SLC7A4: variants seen among roughly 807,000 people sequenced by gnomAD.
SLC7A4 encodes the protein solute carrier family 7 member 4, also known as cationic amino acid transporter 4.
Under a neutral mutation model 37.8 loss-of-function variants are expected in SLC7A4, and 30 were observed. The observed-to-expected ratio is 0.79, with a 90% CI of 0.59 to 1.08. The LOEUF (loss-of-function observed/expected upper bound fraction) is 1.08. SLC7A4 is among the 50% of genes least tolerant of loss of function. SLC7A4 has a pLI of 0.00. For missense variants in SLC7A4, 839 were observed against 843.2 expected, an observed-to-expected ratio of 1.00 and a Z score of 0.06; for synonymous variants, 359 against 376.5, an observed-to-expected ratio of 0.95 and a Z score of 0.54.
Position 21,031,434 on chromosome 22 carries a change from T to G in SLC7A4, c.379A>C (p.Ile127Leu). The change falls in exon 2 of 5, where the codon ATC becomes CTC. Residue 127 changes from isoleucine to leucine, a missense_variant. Physicochemically the swap from Ile to Leu is conservative, Grantham distance 5. Coordinates refer to ENST00000382932, the MANE Select transcript of SLC7A4 (RefSeq NM_004173.3). Reference sequence around the variant, plus strand: ...CGGGCCACGGCGGCGCCACCGATGATGTATTCGAGGAGAACATTCCAGCCG... The same window carrying G: ...CGGGCCACGGCGGCGCCACCGATGAGGTATTCGAGGAGAACATTCCAGCCG... Reference protein sequence around the residue: ...LIGWNVLLEYIIGGAAVARAW... With the variant: ...LIGWNVLLEYLIGGAAVARAW... 1.2e-6 allele frequency: 2 copies of G among 1,601,206 alleles called. No homozygotes were observed. The highest frequency in any genetic ancestry group is 1.7e-6 in the Non-Finnish European group (2 of 1,174,044).
Position 21,029,751 on chromosome 22 carries a change from A to G in SLC7A4, c.1583T>C (p.Leu528Pro), listed in dbSNP as rs750453087. ...SVMFLLSLLV[L>P]GAHQQQYRED... ...CCGATACTGTTGCTGGTGAGCCCCC[A>G]GGACAAGGAGGCTGAGCAGAAACAT... The change falls in exon 3 of 5, where the codon CTG becomes CCG. Residue 528 changes from leucine to proline, a missense_variant. Leu to Pro is a moderately conservative substitution (Grantham distance 98). Coordinates refer to ENST00000382932, the MANE Select transcript of SLC7A4 (RefSeq NM_004173.3). The G allele has an allele frequency of 1.9e-6, 3 of 1,613,006 alleles. No homozygotes were observed. Among genetic ancestry groups the G allele is most frequent in the African/African-American group, 2.7e-5 (2 of 74,916 alleles).
In SLC7A4 at chr22:21,030,885, A is replaced by G. The variant is rs774034868; in HGVS notation, c.928T>C (p.Tyr310His). 6.2e-7 allele frequency: 1 copy of G among 1,612,678 alleles called. No homozygotes were observed. The highest frequency in any genetic ancestry group is 1.1e-5 in the South Asian group (1 of 90,870). Reference sequence around the variant, plus strand: ...CCAGCCCACCTGTAGCCCCGCTGGTAGAAGGCATCTGCAAGCGCTGAGTCG... The same window carrying G: ...CCAGCCCACCTGTAGCCCCGCTGGTGGAAGGCATCTGCAAGCGCTGAGTCG... ...DPDSALADAF[Y>H]QRGYRWAGFI... The change falls in exon 2 of 5, where the codon TAC becomes CAC. Residue 310 changes from tyrosine (Y) to histidine (H), a missense_variant. Transcript: ENST00000382932.
Position 21,031,805 on chromosome 22 carries a change from C to T in SLC7A4, c.8G>A (p.Arg3Gln), listed in dbSNP as rs190796522. 3.1e-5 allele frequency: 47 copies of T among 1,493,166 alleles called. No individual in the cohort carries two copies. The highest frequency in any genetic ancestry group is 4.0e-5 in the Non-Finnish European group (45 of 1,126,104). 92.5% of individuals were successfully genotyped at this position (1,493,166 alleles called of 1,614,324 possible). A position where few individuals can be genotyped will look rare whatever the true frequency, so the allele number is the denominator to read the frequency against. The change falls in exon 2 of 5, where the codon CGG becomes CAG. Residue 3 changes from arginine (R) to glutamine (Q), a missense_variant. Physicochemically the swap from Arg to Gln is conservative, Grantham distance 43. Coordinates refer to ENST00000382932, the MANE Select transcript of SLC7A4 (RefSeq NM_004173.3). Reference protein sequence around the residue: MARGLPTIASLAR... With the variant: MAQGLPTIASLAR... ...CAGGCTAGCAATGGTGGGCAGCCCCCGGGCCATGGCAGGTGGCCGAGAAGA... is the reference window on the plus strand; with the variant it reads ...CAGGCTAGCAATGGTGGGCAGCCCCTGGGCCATGGCAGGTGGCCGAGAAGA...
intron 3 of SLC7A4, 90 bp downstream of exon 3, chr22:21,029,621 C>A: frequency 1.4e-6 from 2 of 1,415,382 alleles, no homozygotes; most frequent in East Asian, 2.3e-5. Flanking sequence ...TCCCCAGCCC[C>A]GTGAGACTTG....
At chr22:21,029,634 C>A in intron 3 of SLC7A4, 77 bp downstream of exon 3, 5 of 1,483,082 alleles carry the variant, frequency 3.4e-6, no homozygotes, top group Non-Finnish European at 3.7e-6. Flanking sequence ...GAGACTTGTT[C>A]ATTCTGGGAT....
At position 21,030,137 on chromosome 22, in the gene SLC7A4, G is replaced by C; in HGVS notation, c.1197C>G (p.Leu399=). Residue 399 remains leucine, a synonymous_variant, in exon 3 of 5, where the codon CTC becomes CTG. Coordinates refer to ENST00000382932, the MANE Select transcript of SLC7A4 (RefSeq NM_004173.3). ...SLVQFLSLGT[L]LAYTFVATSI... ...TGGTGGCCACGAATGTGTAGGCCAG[G>C]AGTGTGCCAAGGGACAGGAACTGAA... is the stretch of plus-strand genomic sequence containing the variant. The C allele has an allele frequency of 6.2e-7, 1 of 1,613,936 alleles. No homozygotes were observed. The highest frequency in any genetic ancestry group is 8.5e-7 in the Non-Finnish European group (1 of 1,179,964).
rs559055973 is a variant in SLC7A4, at chr22:21,029,987, G to A, written c.1347C>T (p.His449=). 2.9e-5 allele frequency: 47 copies of A among 1,613,848 alleles called. No homozygotes were observed. In the Middle Eastern group the frequency reaches 5.0e-4, roughly 17 times the overall value. Residue 449 remains histidine (H), a synonymous_variant, in exon 3 of 5, where the codon CAC becomes CAT. Transcript: ENST00000382932. ...GCTCCCCTGGCTCAGGGACGGAGGCGTGTACAGTGCCCACCAGCTGTAGGT... is the reference window on the plus strand; with the variant it reads ...GCTCCCCTGGCTCAGGGACGGAGGCATGTACAGTGCCCACCAGCTGTAGGT... ...SDHLQLVGTV[H]ASVPEPGELK... is the part of the protein sequence containing the mutation.
At position 21,031,886 on chromosome 22, in the gene SLC7A4, A is replaced by G. The variant is rs1485628181; in HGVS notation, c.-40-34T>C. The G allele has an allele frequency of 5.7e-6, 8 of 1,399,646 alleles. No individual in the cohort carries two copies. The East Asian group carries it at 1.0e-4, about 18-fold the overall frequency. The allele number at this position is 1,399,646 out of a possible 1,614,324, so 86.7% of individuals were successfully genotyped here. On this transcript the variant is annotated intron_variant, in intron 1 of 4. Coordinates refer to ENST00000382932, the MANE Select transcript of SLC7A4 (RefSeq NM_004173.3). ...GCCAGAGGGGAATGACAGGATGCGT[A>G]GCCGGGGCCTGACCAGCCTTCCATC...
At position 21,031,501 on chromosome 22, in the gene SLC7A4, C is replaced by T. The variant is rs1168893035; in HGVS notation, c.312G>A (p.Leu104=). 1 of 1,610,124 alleles carries T rather than the reference C, an allele frequency of 6.2e-7. No homozygotes were observed. The highest frequency in any genetic ancestry group is 8.5e-7 in the Non-Finnish European group (1 of 1,178,472). Residue 104 remains leucine (L), a synonymous_variant, in exon 2 of 5, where the codon CTG becomes CTA. Coordinates refer to ENST00000382932, the MANE Select transcript of SLC7A4 (RefSeq NM_004173.3). ...ARVPRTGSAY[L]FTYVSMGELW... The stretch of plus-strand genomic sequence containing the variant: ...GCTCGCCCATGGATACGTAGGTGAA[C>T]AGGTAGGCAGAGCCCGTGCGTGGCA...
Position 21,031,420 on chromosome 22 carries a change from G to A in SLC7A4, c.393C>T (p.Ala131=), listed in dbSNP as rs781608484. Residue 131 remains alanine (A), a synonymous_variant, in exon 2 of 5, where the codon GCC becomes GCT. Coordinates refer to ENST00000382932, the MANE Select transcript of SLC7A4 (RefSeq NM_004173.3). ...NVLLEYIIGG[A]AVARAWSGYL... is the part of the protein sequence containing the mutation. ...AGCCACTCCAGGCACGGGCCACGGC[G>A]GCGCCACCGATGATGTATTCGAGGA... 5.0e-6 allele frequency: 8 copies of A among 1,602,314 alleles called. No homozygotes were observed. The highest frequency in any genetic ancestry group is 3.4e-6 in the Non-Finnish European group (4 of 1,174,690).
intron 4 of SLC7A4, 38 bp from the exon 5 acceptor site, chr22:21,029,268 C>G: frequency 6.2e-7 from 1 of 1,612,736 alleles, no homozygotes; most frequent in South Asian, 1.1e-5. Context: ...GCCTGAGGTA[C>G]AGGTTCCAGC....
Position 21,031,076 on chromosome 22 carries a change from T to A in SLC7A4, c.737A>T (p.Tyr246Phe). The A allele has an allele frequency of 6.2e-7, 1 of 1,614,036 alleles. No homozygotes were observed. The highest frequency in any genetic ancestry group is 2.2e-5 in the East Asian group (1 of 44,876). ...AATGACGTCGAAGCCCACGAAAGCA[T>A]AGAAGCAGGAGGCAGTGCCGGCCAT... ...GVMAGTASCF[Y>F]AFVGFDVIAA... is the part of the protein sequence containing the mutation. Residue 246 changes from tyrosine (Y) to phenylalanine (F), a missense_variant, in exon 2 of 5, where the codon TAT becomes TTT. Physicochemically the swap from Tyr to Phe is conservative, Grantham distance 22. Coordinates refer to ENST00000382932, the MANE Select transcript of SLC7A4 (RefSeq NM_004173.3).
intron 3 of SLC7A4, 85 bp downstream of exon 3, chr22:21,029,626 G>C (rs1420035160): frequency 1.4e-6 from 2 of 1,443,644 alleles, no homozygotes; most frequent in African/African-American, 2.8e-5. Flanking sequence ...AGCCCCGTGA[G>C]ACTTGTTCAT....
intron 1 of SLC7A4, among the ~76,000 whole-genome samples, 164 bp downstream of exon 1, chr22:21,032,367 G>GAATGCAGGGGC (rs766679668): frequency 6.2e-4 from 94 of 152,174 alleles, no homozygotes; most frequent in Non-Finnish European, 1.0e-3. Context: ...GCGCCAGGCG[G>GAATGCAGGGGC]AATGCAGGGG....
chr22:21,029,548 G>T, intron 3 of SLC7A4, 104 bp from the exon 4 acceptor site: 1 of 1,168,784 alleles, frequency 8.6e-7, no homozygotes, highest in Non-Finnish European at 1.3e-6. Context: ...TTCCTCACGG[G>T]AGATTGTGGA....
In SLC7A4 at chr22:21,031,599, G is replaced by A. The variant is rs888851808; in HGVS notation, c.214C>T (p.Leu72Phe). 1 of 1,606,734 alleles carries A rather than the reference G, an allele frequency of 6.2e-7. No individual in the cohort carries two copies. The highest frequency in any genetic ancestry group is 1.7e-4 in the Middle Eastern group (1 of 6,028). Residue 72 changes from leucine (L) to phenylalanine (F), a missense_variant, in exon 2 of 5, where the codon CTC (leucine) becomes TTC (phenylalanine). Transcript: ENST00000382932. ...ACAGCGGCCACACCGAAGGACAAGA[G>A]CACAGCAGGGCCAGCCACCTCCTTG... ...VAKEVAGPAV[L>F]LSFGVAAVAS...
chr22:21,031,406 G>A lies in SLC7A4; in HGVS notation c.407C>T (p.Ala136Val). ...CATAGAGTCCAGGTAGCCACTCCAG[G>A]CACGGGCCACGGCGGCGCCACCGAT... ...YIIGGAAVAR[A>V]WSGYLDSMFS... Residue 136 changes from alanine to valine, a missense_variant, in exon 2 of 5, where the codon GCC (alanine) becomes GTC (valine). Ala to Val is a moderately conservative substitution (Grantham distance 64). Transcript: ENST00000382932. The A allele has an allele frequency of 6.2e-7, 1 of 1,607,312 alleles. No individual in the cohort carries two copies. The highest frequency in any genetic ancestry group is 1.1e-5 in the South Asian group (1 of 90,010).
chr22:21,031,578 C>A lies in SLC7A4; in HGVS notation c.235G>T (p.Ala79Ser). 6.2e-7 allele frequency: 1 copy of A among 1,606,618 alleles called. No individual in the cohort carries two copies. The highest frequency in any genetic ancestry group is 8.5e-7 in the Non-Finnish European group (1 of 1,177,368). ...PAVLLSFGVAAVASLLAALCY... is the reference protein window; with the variant it reads ...PAVLLSFGVASVASLLAALCY... The stretch of plus-strand genomic sequence containing the variant: ...AGGGCTGCCAGCAGGGAGGCCACAG[C>A]GGCCACACCGAAGGACAAGAGCACA... The change falls in exon 2 of 5, where the codon GCT (alanine) becomes TCT (serine). Residue 79 changes from alanine (A) to serine (S), a missense_variant. Physicochemically the swap from Ala to Ser is moderately conservative, Grantham distance 99 (BLOSUM62 1). Transcript: ENST00000382932.
At position 21,029,762 on chromosome 22, in the gene SLC7A4, G is replaced by A. The variant is rs1430520683; in HGVS notation, c.1572C>T (p.Ser524=). The A allele has an allele frequency of 2.5e-6, 4 of 1,613,296 alleles. No homozygotes were observed. Among genetic ancestry groups the A allele is most frequent in the Non-Finnish European group, 3.4e-6 (4 of 1,180,008 alleles). The change falls in exon 3 of 5, where the codon AGC becomes AGT. Residue 524 remains serine, a synonymous_variant. Coordinates refer to ENST00000382932, the MANE Select transcript of SLC7A4 (RefSeq NM_004173.3). ...LLLTSVMFLL[S]LLVLGAHQQQ... ...GCTGGTGAGCCCCCAGGACAAGGAG[G>A]CTGAGCAGAAACATGACACTGGTGA...
Sources: gnomAD v4.1 joint callset for allele counts (sites outside exome capture counted in the v4.1 genomes callset) on GRCh38, gnomAD v4.1.1 for gene constraint, MANE v1.5 for transcripts, NCBI Gene and HGNC (gene_info 2026-07-23, HGNC 2026-07-21) for gene names.